GPC6: variants seen among roughly 807,000 people sequenced by gnomAD.
The protein encoded by GPC6 is glypican 6, also known as glypican-6.
A neutral mutation model predicts 55.2 loss-of-function variants in GPC6; 14 were observed. The ratio of observed to expected loss-of-function variants is 0.25; its 90% CI spans 0.17 to 0.40. GPC6 has a LOEUF of 0.40. Among genes scored for constraint, GPC6 ranks in the 10% least tolerant of loss-of-function variants. The pLI, the probability that GPC6 is intolerant of heterozygous loss-of-function variation, is 1.00. For missense variants in GPC6, 641 were observed against 708.5 expected (o/e 0.90, Z 1.08); for synonymous variants, 278 against 259.6 (o/e 1.07, Z -0.68).
intron 1 of GPC6, among the ~76,000 whole-genome samples, chr13:93,529,600 C>A (rs1881784749): frequency 6.9e-6 from 1 of 145,816 alleles, no homozygotes; most frequent in African/African-American, 2.7e-5. Context: ...ACTGCAACCT[C>A]CACCTCCCTG....
At chr13:93,570,069 C>T (rs1275485854) in intron 2 of GPC6, among the ~76,000 whole-genome samples, 1 of 152,092 alleles carries the variant, frequency 6.6e-6, no homozygotes, top group Non-Finnish European at 1.5e-5. Flanking sequence ...GTTCCAATAT[C>T]AAATAACTGC....
chr13:93,217,368 G>T, the GPC6 span, among the ~76,000 whole-genome samples: 7 of 152,126 alleles, frequency 4.6e-5, no homozygotes, highest in African/African-American at 1.7e-4. Flanking sequence ...TATTTCTTGG[G>T]CAAATATCTA....
intron 2 of GPC6, among the ~76,000 whole-genome samples, chr13:93,811,000 A>G (rs1200309241): frequency 6.6e-6 from 1 of 152,190 alleles, no homozygotes; most frequent in East Asian, 1.9e-4. Flanking sequence ...GCAGTGATTT[A>G]TGTATTTGAC....
At chr13:94,019,664 G>A (rs1426569889) in intron 3 of GPC6, among the ~76,000 whole-genome samples, 1 of 151,952 alleles carries the variant, frequency 6.6e-6, no homozygotes, top group Non-Finnish European at 1.5e-5. Context: ...CTGGATTTAG[G>A]GCTTATCCTA....
intron 1 of GPC6, among the ~76,000 whole-genome samples, chr13:93,375,598 ATTTTCACTCCTCCC>A (rs1874857225): frequency 6.6e-6 from 1 of 152,128 alleles, no homozygotes; most frequent in African/African-American, 2.4e-5. Flanking sequence ...GAGTCTTCTC[ATTTTCACTCCTCCC>A]GATGGTAGCA....
intron 1 of GPC6, among the ~76,000 whole-genome samples, chr13:93,540,969 T>A (rs1190915602): frequency 6.6e-6 from 1 of 152,174 alleles, no homozygotes; most frequent in Non-Finnish European, 1.5e-5. Flanking sequence ...GCTATTTCGC[T>A]TAACATAATG....
chr13:93,534,278 A>C (rs1881971358), intron 1 of GPC6, among the ~76,000 whole-genome samples: 2 of 152,082 alleles, frequency 1.3e-5, no homozygotes, highest in Admixed American at 6.5e-5. Context: ...TTTACTTTCT[A>C]TCTACTTCCT....
intron 2 of GPC6, among the ~76,000 whole-genome samples, chr13:93,805,089 G>A (rs1192229108): frequency 6.6e-6 from 1 of 152,048 alleles, no homozygotes; most frequent in Non-Finnish European, 1.5e-5. Context: ...GATTAATAGA[G>A]AAATTGAACC....
intron 5 of GPC6, among the ~76,000 whole-genome samples, chr13:94,298,119 G>A (rs927750443): frequency 4.6e-5 from 7 of 152,020 alleles, no homozygotes; most frequent in East Asian, 3.9e-4. Context: ...TCATCAAGAT[G>A]TTTTAAGTTT....
intron 1 of GPC6, among the ~76,000 whole-genome samples, chr13:93,542,274 A>G (rs1220437326): frequency 6.6e-6 from 1 of 152,214 alleles, no homozygotes; most frequent in Non-Finnish European, 1.5e-5. Flanking sequence ...CATTTACTAA[A>G]TAGGGAATCC....
At chr13:93,274,225 C>T (rs1168582346) in intron 1 of GPC6, among the ~76,000 whole-genome samples, 1 of 152,134 alleles carries the variant, frequency 6.6e-6, no homozygotes, top group African/African-American at 2.4e-5. Flanking sequence ...TCATTATCTA[C>T]TAAACATGAA....
At chr13:93,709,812 T>C (rs1232835014) in intron 2 of GPC6, among the ~76,000 whole-genome samples, 1 of 151,780 alleles carries the variant, frequency 6.6e-6, no homozygotes, top group East Asian at 1.9e-4. Context: ...TCTTAGTTAA[T>C]TGACAGAGAA....
intron 4 of GPC6, among the ~76,000 whole-genome samples, chr13:94,172,431 A>G (rs1888605328): frequency 6.6e-6 from 1 of 152,238 alleles, no homozygotes; most frequent in African/African-American, 2.4e-5. Context: ...ATGTTTAAAG[A>G]TAATGAAAAA....
rs796720238 is a variant in GPC6, at chr13:93,942,464, C to T, written c.712-85265C>T. ...CCTCCTGAGGAGTTGGGACTACAGG[C>T]ACCTGCCACCATGCCTGGCTAATTT... On this transcript the variant is annotated intron_variant, in intron 3 of 8. Coordinates refer to ENST00000377047, the MANE Select transcript of GPC6 (RefSeq NM_005708.5). Among the ~76,000 whole-genome samples, 4 of 152,142 alleles carry T rather than the reference C, an allele frequency of 2.6e-5. No individual in the cohort carries two copies. In the South Asian group the frequency reaches 8.3e-4, roughly 32 times the overall value.
At chr13:94,019,806 A>G (rs1003842123) in intron 3 of GPC6, among the ~76,000 whole-genome samples, 16 of 152,222 alleles carry the variant, frequency 1.1e-4, no homozygotes, top group African/African-American at 3.9e-4. Flanking sequence ...ACCACAGCGT[A>G]CAACTGTTCA....
chr13:93,437,145 T>C (rs1877603300), intron 1 of GPC6, among the ~76,000 whole-genome samples: 1 of 152,028 alleles, frequency 6.6e-6, no homozygotes. Flanking sequence ...ATTTGAAAAA[T>C]GTGTTGTGAC....
rs545531987 is a variant in GPC6, at chr13:93,848,849, T to C, written c.711+18304T>C. On this transcript the variant is annotated intron_variant, in intron 3 of 8. Coordinates refer to ENST00000377047, the MANE Select transcript of GPC6 (RefSeq NM_005708.5). Reference sequence around the variant, plus strand: ...GTTTCTTTGCCACTTTCCTTACTCATTGTGCCTTCCTCTCCCCTTTCTTTC... The same window carrying C: ...GTTTCTTTGCCACTTTCCTTACTCACTGTGCCTTCCTCTCCCCTTTCTTTC... Among the ~76,000 whole-genome samples, 4 of 152,216 alleles carry C rather than the reference T, an allele frequency of 2.6e-5. No individual in the cohort carries two copies. In the South Asian group the frequency reaches 8.3e-4, roughly 32 times the overall value.
chr13:94,000,167 C>T (rs963676590), intron 3 of GPC6, among the ~76,000 whole-genome samples: 1 of 152,188 alleles, frequency 6.6e-6, no homozygotes, highest in African/African-American at 2.4e-5. Context: ...TCACTCTTCC[C>T]TGAAACCCCA....
chr13:93,637,450 A>C (rs1321724991), intron 2 of GPC6, among the ~76,000 whole-genome samples: 1 of 152,146 alleles, frequency 6.6e-6, no homozygotes, highest in Non-Finnish European at 1.5e-5. Context: ...AATTCAAATC[A>C]ACTCTGGGAT....
Sources: allele counts gnomAD v4.1 joint callset (sites outside exome capture counted in the v4.1 genomes callset), GRCh38; gene constraint gnomAD v4.1.1; transcripts MANE v1.5; gene names NCBI Gene and HGNC (gene_info 2026-07-23, HGNC 2026-07-21).